The following RAPGEF4 variants were observed in gnomAD, a reference collection of about 807,000 sequenced individuals.
The protein encoded by RAPGEF4 is RAP guanine-nucleotide-exchange factor (GEF) 4.
In RAPGEF4, 66 loss-of-function variants were observed where a neutral mutation model predicts 147.9. That is an observed-to-expected ratio of 0.45 (90% CI 0.37 to 0.55). RAPGEF4 has a LOEUF of 0.55. Among genes scored for constraint, RAPGEF4 ranks in the 20% least tolerant of loss-of-function variants. The probability of loss-of-function intolerance (pLI) is 0.00; values close to 1 mark genes in which losing one functional copy is unlikely to be tolerated. For synonymous variants in RAPGEF4, 419 were observed against 442.7 expected, an observed-to-expected ratio of 0.95 and a Z score of 0.67; for missense variants, 1,071 against 1,257.3, an observed-to-expected ratio of 0.85 and a Z score of 2.24.
intron 16 of RAPGEF4, among the ~76,000 whole-genome samples, chr2:173,000,104 C>G (rs1693754765): frequency 6.6e-6 from 1 of 152,108 alleles, no homozygotes; most frequent in Non-Finnish European, 1.5e-5. Context: ...TCCTTTGGTA[C>G]ATTAAAAAAA....
At chr2:172,746,425 A>G (rs1210863869) in intron 1 of RAPGEF4, among the ~76,000 whole-genome samples, 3 of 152,304 alleles carry the variant, frequency 2.0e-5, no homozygotes, top group Admixed American at 6.5e-5. Flanking sequence ...CCCACAGGTA[A>G]TGCTACAGAA....
At chr2:172,820,725 G>A (rs1688983097) in intron 4 of RAPGEF4, among the ~76,000 whole-genome samples, 1 of 152,216 alleles carries the variant, frequency 6.6e-6, no homozygotes, top group Non-Finnish European at 1.5e-5. Context: ...AGAAAAGAAA[G>A]TAATTAGTAA....
chr2:173,015,853 C>A (rs1274758886), intron 18 of RAPGEF4, among the ~76,000 whole-genome samples: 2 of 152,092 alleles, frequency 1.3e-5, no homozygotes, highest in Non-Finnish European at 2.9e-5. Context: ...TGAGTGACAC[C>A]TAGTCAATAA....
At chr2:173,033,646 G>A (rs999483680) in intron 26 of RAPGEF4, among the ~76,000 whole-genome samples, 6 of 152,100 alleles carry the variant, frequency 3.9e-5, no homozygotes, top group Non-Finnish European at 5.9e-5. Flanking sequence ...TTTATAGATC[G>A]TCTAGTTCAG....
At chr2:172,888,130 G>A (rs976601964) in intron 4 of RAPGEF4, among the ~76,000 whole-genome samples, 1 of 152,222 alleles carries the variant, frequency 6.6e-6, no homozygotes, top group African/African-American at 2.4e-5. Context: ...AACTGGGGGT[G>A]TTGAATATTA....
rs114794031 is a variant in RAPGEF4 at position 172,966,351 on chromosome 2, G to A, written c.820+668G>A. On this transcript the variant is annotated intron_variant, in intron 9 of 30. Transcript: ENST00000397081. Reference sequence around the variant, plus strand: ...GGAATCTAGTAATGGTTTTGCCAGCGTTTCTCATACTTTAATGTGCATACA... The same window carrying A: ...GGAATCTAGTAATGGTTTTGCCAGCATTTCTCATACTTTAATGTGCATACA... 9.1e-3 allele frequency among the ~76,000 whole-genome samples: 1,382 copies of A among 152,194 alleles called. 20 individuals are homozygous for A. The highest frequency in any genetic ancestry group is 0.03 in the African/African-American group (1,250 of 41,516).
chr2:172,738,587 C>A (rs1407509930), intron 1 of RAPGEF4, among the ~76,000 whole-genome samples: 1 of 151,934 alleles, frequency 6.6e-6, no homozygotes, highest in Non-Finnish European at 1.5e-5. Context: ...TTCTTCCCAA[C>A]CACAAATTCC....
rs184200745 is a variant in RAPGEF4 at position 172,818,847 on chromosome 2, C to T, written c.444+4422C>T. Among the ~76,000 whole-genome samples, 4 of 152,244 alleles carry T rather than the reference C, an allele frequency of 2.6e-5. No homozygotes were observed. The East Asian group carries it at 5.8e-4, about 22-fold the overall frequency. ...GTCAACAGCAAGTTTTCTAGGCTTCCTCAGGTATGCCCTCAGAGAACCACA... is the reference window on the plus strand; with the variant it reads ...GTCAACAGCAAGTTTTCTAGGCTTCTTCAGGTATGCCCTCAGAGAACCACA... On this transcript the variant is annotated intron_variant, in intron 4 of 30. Transcript: ENST00000397081.
At chr2:173,050,215 A>T (rs747803446) in intron 30 of RAPGEF4, among the ~76,000 whole-genome samples, 3 of 152,232 alleles carry the variant, frequency 2.0e-5, no homozygotes, top group Non-Finnish European at 4.4e-5. Flanking sequence ...CTATAGATAA[A>T]GCTATAGGAA....
At chr2:172,926,021 G>GGGAC (rs1559124856) in intron 6 of RAPGEF4, among the ~76,000 whole-genome samples, 1 of 85,392 alleles carries the variant, frequency 1.2e-5, no homozygotes, top group African/African-American at 4.8e-5. Context: ...GACGGAGGGA[G>GGGAC]GGAGGGAGGG....
intron 4 of RAPGEF4, among the ~76,000 whole-genome samples, chr2:172,845,592 G>C (rs879853823): frequency 1.3e-5 from 2 of 152,192 alleles, no homozygotes; most frequent in Non-Finnish European, 2.9e-5. Flanking sequence ...TGTGGTACTG[G>C]GGAATGGAAT....
intron 3 of RAPGEF4, among the ~76,000 whole-genome samples, chr2:172,799,615 A>G (rs1034043160): frequency 2.6e-5 from 4 of 152,148 alleles, no homozygotes; most frequent in Admixed American, 6.6e-5. Context: ...GACAGGGCCT[A>G]CACAGGATCA....
intron 1 of RAPGEF4, among the ~76,000 whole-genome samples, chr2:172,770,293 G>A (rs975616345): frequency 6.6e-6 from 1 of 152,294 alleles, no homozygotes; most frequent in Non-Finnish European, 1.5e-5. Flanking sequence ...CAAAAATATG[G>A]TGGTTAAGAG....
intron 1 of RAPGEF4, among the ~76,000 whole-genome samples, chr2:172,763,626 C>T (rs975455300): frequency 6.6e-6 from 1 of 152,100 alleles, no homozygotes; most frequent in African/African-American, 2.4e-5. Flanking sequence ...CAAGAAGCCC[C>T]CCATGTAGCC....
chr2:172,751,529 T>C (rs771154360), intron 1 of RAPGEF4, among the ~76,000 whole-genome samples: 6 of 152,074 alleles, frequency 3.9e-5, no homozygotes, highest in Non-Finnish European at 7.4e-5. Context: ...ACTGCACTAC[T>C]GTGTCAGGCA....
intron 1 of RAPGEF4, among the ~76,000 whole-genome samples, chr2:172,781,313 T>G (rs1430951496): frequency 6.6e-6 from 1 of 152,122 alleles, no homozygotes; most frequent in East Asian, 1.9e-4. Context: ...AACAGACACT[T>G]CAGTCAGAAG....
intron 6 of RAPGEF4, among the ~76,000 whole-genome samples, chr2:172,950,789 A>G (rs906342799): frequency 1.3e-5 from 2 of 152,402 alleles, no homozygotes; most frequent in East Asian, 1.9e-4. Context: ...ACTGGAAAAC[A>G]TATTGGCTTA....
intron 5 of RAPGEF4, 114 bp from the exon 6 acceptor site, chr2:172,922,167 T>C: frequency 1.0e-6 from 1 of 955,448 alleles, no homozygotes; most frequent in East Asian, 2.4e-5. Context: ...TTCACGGAAA[T>C]GCAAATTGAA....
In RAPGEF4 at chr2:173,017,408, C is replaced by T. The variant is rs1695605873; in HGVS notation, c.1930-18C>T. On this transcript the variant is annotated intron_variant, in intron 20 of 30. Coordinates refer to ENST00000397081, the MANE Select transcript of RAPGEF4 (RefSeq NM_007023.4). ...TGGTCACTGTCCCTTATGGCACTTG[C>T]TGTGGTTGTTTTTACAGCACAAGGT... The T allele has an allele frequency of 6.2e-7, 1 of 1,610,602 alleles. No homozygotes were observed. Among genetic ancestry groups the T allele is most frequent in the African/African-American group, 1.3e-5 (1 of 74,858 alleles).
Sources: allele counts gnomAD v4.1 joint callset (sites outside exome capture counted in the v4.1 genomes callset), GRCh38; gene constraint gnomAD v4.1.1; transcripts MANE v1.5; gene names NCBI Gene and HGNC (gene_info 2026-07-23, HGNC 2026-07-21).